Variants in NLGN4X observed in about 807,000 individuals in gnomAD.
NLGN4X encodes neuroligin 4 X-linked, also known as neuroligin-4, X-linked.
Under a neutral mutation model 40.3 loss-of-function variants are expected in NLGN4X, and 3 were observed. The observed-to-expected ratio is 0.07, with a 90% CI of 0.03 to 0.19. NLGN4X has a LOEUF of 0.19. NLGN4X is among the 10% of genes least tolerant of loss of function. The pLI, the probability that NLGN4X is intolerant of heterozygous loss-of-function variation, is 1.00. For missense variants in NLGN4X, 382 were observed against 708.3 expected (o/e 0.54, Z 5.23); for synonymous variants, 270 against 306.8 (o/e 0.88, Z 1.25).
At chrX:6,008,736 T>C (rs5961398) in intron 3 of NLGN4X, among the ~76,000 whole-genome samples, 3,358 of 111,773 alleles carry the variant, frequency 0.03, 116 homozygotes, top group East Asian at 0.17. Context: ...TATAATTGAG[T>C]GGCCTTAAGA....
intron 2 of NLGN4X, among the ~76,000 whole-genome samples, chrX:6,118,450 A>G (rs1247999505): frequency 9.0e-6 from 1 of 111,593 alleles, no homozygotes; most frequent in Non-Finnish European, 1.9e-5. Context: ...CAATTCTTCC[A>G]GTTACGGCGG....
intron 4 of NLGN4X, among the ~76,000 whole-genome samples, chrX:5,907,502 C>A (rs17305859): frequency 0.15 from 16,347 of 111,598 alleles, 1,074 homozygotes; most frequent in Non-Finnish European, 0.2. Flanking sequence ...TAACCATCTA[C>A]TGCTTAGGCG....
intron 3 of NLGN4X, chrX:5,991,427 C>A (rs2035680889): frequency 1.9e-6 from 1 of 517,798 alleles, no homozygotes; most frequent in Non-Finnish European, 3.5e-6. Context: ...ATTCCATCCT[C>A]ATTTCTGAAA....
chrX:5,919,514 AG>A (rs761944241), intron 3 of NLGN4X, among the ~76,000 whole-genome samples: 61 of 111,719 alleles, frequency 5.5e-4, no homozygotes, highest in Non-Finnish European at 1.1e-3. Flanking sequence ...AGTTTTGGTT[AG>A]GGACTGGGCC....
chrX:6,052,566 C>T lies in NLGN4X; in HGVS notation c.473-23134G>A, dbSNP rs143001538. ...TCAGCAGTCTGCACGGGCATTTGGG[C>T]TGCCTGTCAGCTGTCCTGTGGTGTG... On this transcript the variant is annotated intron_variant, in intron 2 of 5. Coordinates refer to ENST00000381095, the MANE Select transcript of NLGN4X (RefSeq NM_181332.3). Among the ~76,000 whole-genome samples, 473 of 111,968 alleles carry T rather than the reference C, an allele frequency of 4.2e-3. 2 individuals carry two copies. Among genetic ancestry groups the T allele is most frequent in the African/African-American group, 0.015 (453 of 30,821 alleles).
intron 3 of NLGN4X, among the ~76,000 whole-genome samples, chrX:5,950,214 C>T (rs769551518): frequency 2.7e-5 from 3 of 111,911 alleles, no homozygotes; most frequent in East Asian, 2.8e-4. Flanking sequence ...CCAATAACCA[C>T]ATGTGGCTAT....
At chrX:6,149,903 G>A (rs1255746945) in intron 2 of NLGN4X, among the ~76,000 whole-genome samples, 1 of 107,883 alleles carries the variant, frequency 9.3e-6, no homozygotes, top group Non-Finnish European at 1.9e-5. Flanking sequence ...TAACGTCGTT[G>A]TTGATTTACT....
At chrX:6,095,927 C>T (rs771729888) in intron 2 of NLGN4X, among the ~76,000 whole-genome samples, 2 of 111,988 alleles carry the variant, frequency 1.8e-5, no homozygotes, top group African/African-American at 6.5e-5. Context: ...TGTTTATAGC[C>T]GCTACATCTG....
intron 2 of NLGN4X, among the ~76,000 whole-genome samples, chrX:6,137,507 G>A (rs890269808): frequency 3.6e-5 from 4 of 111,640 alleles, no homozygotes; most frequent in African/African-American, 9.8e-5. Context: ...TACCTATGAC[G>A]TGGCCTGTCA....
chrX:6,084,519 G>T (rs896168891), intron 2 of NLGN4X, among the ~76,000 whole-genome samples: 2 of 111,434 alleles, frequency 1.8e-5, no homozygotes, highest in African/African-American at 6.5e-5. Context: ...ATAAAAATGA[G>T]ATATAATGAA....
rs150327509 is a variant in NLGN4X at position 6,065,464 on chromosome X, T to C, written c.473-36032A>G. 5.6e-3 allele frequency among the ~76,000 whole-genome samples: 622 copies of C among 110,363 alleles called. 4 individuals are homozygous for C. The highest frequency in any genetic ancestry group is 0.017 in the African/African-American group (531 of 30,407). On this transcript the variant is annotated intron_variant, in intron 2 of 5. Transcript: ENST00000381095. ...ATTTAAAACTGGTATCTCTCCATAA[T>C]AGAACTTTAGGAAATATAGCAAAAA...
intron 5 of NLGN4X, among the ~76,000 whole-genome samples, chrX:5,897,824 T>C (rs754680489): frequency 1.1e-4 from 12 of 111,653 alleles, no homozygotes; most frequent in Non-Finnish European, 2.3e-4. Context: ...CACCTAATGC[T>C]ACCATGAAAA....
At chrX:6,200,129 A>T (rs1923457823) in intron 1 of NLGN4X, among the ~76,000 whole-genome samples, 1 of 112,224 alleles carries the variant, frequency 8.9e-6, no homozygotes, top group South Asian at 3.7e-4. Context: ...AATACCCAGT[A>T]AGGGCTGATC....
intron 1 of NLGN4X, among the ~76,000 whole-genome samples, chrX:6,174,800 G>A (rs140859826): frequency 1.3e-3 from 140 of 111,580 alleles, no homozygotes; most frequent in African/African-American, 4.2e-3. Context: ...TGGGAAGTGA[G>A]TAGGGTGAGG....
chrX:5,917,661 G>A (rs995998707), intron 3 of NLGN4X, among the ~76,000 whole-genome samples: 16 of 112,077 alleles, frequency 1.4e-4, no homozygotes, highest in Non-Finnish European at 2.8e-4. Context: ...GGTGTGGAAT[G>A]TGTTCAAAAA....
At chrX:6,055,119 C>G (rs2037588452) in intron 2 of NLGN4X, among the ~76,000 whole-genome samples, 1 of 111,915 alleles carries the variant, frequency 8.9e-6, no homozygotes, top group Non-Finnish European at 1.9e-5. Context: ...ACCTACTTAG[C>G]TGTCTCAGGT....
chrX:6,001,543 A>G (rs1246193939), intron 3 of NLGN4X, among the ~76,000 whole-genome samples: 2 of 112,442 alleles, frequency 1.8e-5, no homozygotes, highest in Non-Finnish European at 3.7e-5. Context: ...AAGTGTGCTC[A>G]TGAAAGGTAC....
chrX:6,120,478 G>A (rs954366363), intron 2 of NLGN4X, among the ~76,000 whole-genome samples: 12 of 111,774 alleles, frequency 1.1e-4, no homozygotes, highest in African/African-American at 3.6e-4. Flanking sequence ...TAAAGATCTC[G>A]CATGAGTCAG....
chrX:6,002,131 A>T (rs1252348116), intron 3 of NLGN4X, among the ~76,000 whole-genome samples: 1 of 111,629 alleles, frequency 9.0e-6, no homozygotes, highest in Non-Finnish European at 1.9e-5. Context: ...GCATGGAAAA[A>T]TACTGAGGCA....
Sources: gnomAD v4.1 joint callset for allele counts (sites outside exome capture counted in the v4.1 genomes callset) on GRCh38, gnomAD v4.1.1 for gene constraint, MANE v1.5 for transcripts, NCBI Gene and HGNC (gene_info 2026-07-23, HGNC 2026-07-21) for gene names.